The following SCHIP1 variants were observed in gnomAD, a reference collection of about 807,000 sequenced individuals.
SCHIP1 encodes the protein schwannomin-interacting protein 1.
A neutral mutation model predicts 29.7 loss-of-function variants in SCHIP1; 8 were observed. The observed-to-expected ratio is 0.27, with a 90% CI of 0.16 to 0.49. The LOEUF is 0.49. SCHIP1 is among the 20% of genes least tolerant of loss of function. The pLI is 0.99. For synonymous variants in SCHIP1, 76 were observed against 94.9 expected (o/e 0.80, Z 1.16); for missense variants, 193 against 294.6 (o/e 0.66, Z 2.52).
the SCHIP1 span, among the ~76,000 whole-genome samples, chr3:159,595,395 G>A: frequency 2.6e-5 from 4 of 152,038 alleles, no homozygotes; most frequent in Non-Finnish European, 5.9e-5. Context: ...AAGGGGAGGT[G>A]GGGGGTGAAA....
chr3:159,505,940 A>ATG, the SCHIP1 span, among the ~76,000 whole-genome samples: 37 of 150,250 alleles, frequency 2.5e-4, no homozygotes, highest in Non-Finnish European at 4.2e-4. Flanking sequence ...ATACGTGTGC[A>ATG]TGTCTTTATA....
At chr3:159,874,481 G>A (rs115230399) in intron 2 of SCHIP1, among the ~76,000 whole-genome samples, 2,348 of 152,296 alleles carry the variant, frequency 0.015, 50 homozygotes, top group Non-Finnish European at 0.019. Flanking sequence ...CTCCTTTTGT[G>A]TTTGGGCTGG....
At chr3:159,764,529 CAA>C in the SCHIP1 span, 1 of 1,588,206 alleles carries the variant, frequency 6.3e-7, no homozygotes, top group Non-Finnish European at 8.6e-7. The surrounding 1 kb of genome is among the most constrained non-coding windows in gnomAD (Gnocchi z 6.1). Flanking sequence ...CCAACTCCAC[CAA>C]AGTGACCCCT....
intron 3 of SCHIP1, chr3:159,887,412 T>C: frequency 3.1e-6 from 1 of 321,896 alleles, no homozygotes; most frequent in South Asian, 4.2e-5. Context: ...AATATTTTGT[T>C]ATGTCTGTTC....
chr3:159,397,478 G>A, the SCHIP1 span, among the ~76,000 whole-genome samples: 1 of 152,096 alleles, frequency 6.6e-6, no homozygotes, highest in Non-Finnish European at 1.5e-5. Context: ...TTTGATGATG[G>A]TGATGTACAG....
At chr3:159,356,004 A>G in the SCHIP1 span, among the ~76,000 whole-genome samples, 4 of 152,034 alleles carry the variant, frequency 2.6e-5, no homozygotes, top group Non-Finnish European at 5.9e-5. Context: ...CAGTAATGGG[A>G]TGGCTGGGTC....
At chr3:159,577,011 TTGCCAA>T in the SCHIP1 span, among the ~76,000 whole-genome samples, 1 of 152,224 alleles carries the variant, frequency 6.6e-6, no homozygotes. Context: ...GACTTCTGTA[TTGCCAA>T]AAGCAGTCTA....
chr3:159,828,075 A>G, the SCHIP1 span, among the ~76,000 whole-genome samples: 121 of 151,594 alleles, frequency 8.0e-4, no homozygotes, highest in Non-Finnish European at 1.4e-3. Flanking sequence ...GTTATATTGT[A>G]TTGCTGATGT....
At chr3:159,456,650 T>C in the SCHIP1 span, among the ~76,000 whole-genome samples, 5 of 152,154 alleles carry the variant, frequency 3.3e-5, no homozygotes, top group Non-Finnish European at 7.4e-5. Context: ...ATAGAGAAGT[T>C]GTTAATAGAT....
chr3:159,766,455 C>T, the SCHIP1 span, among the ~76,000 whole-genome samples: 1 of 152,170 alleles, frequency 6.6e-6, no homozygotes, highest in Non-Finnish European at 1.5e-5. Context: ...TGGAATCTTT[C>T]CATTACAGTC....
At chr3:159,494,541 A>C in the SCHIP1 span, among the ~76,000 whole-genome samples, 7 of 152,252 alleles carry the variant, frequency 4.6e-5, no homozygotes, top group Admixed American at 4.6e-4. Flanking sequence ...ACACCCTCTC[A>C]AGCCTAAACC....
the SCHIP1 span, among the ~76,000 whole-genome samples, chr3:159,639,884 T>C: frequency 6.6e-6 from 1 of 152,178 alleles, no homozygotes; most frequent in Non-Finnish European, 1.5e-5. Context: ...GGACACTACC[T>C]CTTAACATGG....
At chr3:159,772,440 GC>G in the SCHIP1 span, among the ~76,000 whole-genome samples, 1 of 152,166 alleles carries the variant, frequency 6.6e-6, no homozygotes, top group South Asian at 2.1e-4. Flanking sequence ...ACCACGCCCG[GC>G]CCATAACTAC....
chr3:159,346,324 T>G, the SCHIP1 span, among the ~76,000 whole-genome samples: 1 of 150,294 alleles, frequency 6.7e-6, no homozygotes. Flanking sequence ...ATGAAAGATT[T>G]GGAAGGATTT....
At chr3:159,893,929 AG>A (rs1017991396) in intron 6 of SCHIP1, 2 of 152,126 alleles carry the variant, frequency 1.3e-5, no homozygotes, top group Non-Finnish European at 2.9e-5. Flanking sequence ...ACATCCCTAA[AG>A]GCAGCAGCCC....
the SCHIP1 span, among the ~76,000 whole-genome samples, chr3:159,516,253 A>G: frequency 8.5e-5 from 13 of 152,136 alleles, no homozygotes; most frequent in Admixed American, 7.2e-4. Context: ...GAATCTGTCT[A>G]TATGGACATC....
At chr3:159,758,351 CTA>C in the SCHIP1 span, among the ~76,000 whole-genome samples, 1 of 152,098 alleles carries the variant, frequency 6.6e-6, no homozygotes, top group Non-Finnish European at 1.5e-5. Context: ...CGGTGTTTCA[CTA>C]TGTTGGCCAG....
the SCHIP1 span, among the ~76,000 whole-genome samples, chr3:159,364,549 A>C: frequency 9.9e-3 from 1,505 of 152,342 alleles, 53 homozygotes; most frequent in Admixed American, 0.063. Flanking sequence ...ATGAATTTAT[A>C]GCAGAAAATA....
At chr3:159,699,160 A>G in the SCHIP1 span, among the ~76,000 whole-genome samples, 1 of 152,216 alleles carries the variant, frequency 6.6e-6, no homozygotes, top group African/African-American at 2.4e-5. Flanking sequence ...GCTAACACTC[A>G]TAATAATGTT....
Sources: gnomAD v4.1 joint callset for allele counts (sites outside exome capture counted in the v4.1 genomes callset) on GRCh38, gnomAD v4.1.1 for gene constraint, Gnocchi (gnomAD v3.1) non-coding constraint, MANE v1.5 for transcripts, NCBI Gene and HGNC (gene_info 2026-07-23, HGNC 2026-07-21) for gene names.